The following PDE10A variants were observed in gnomAD, a reference collection of about 807,000 sequenced individuals.
The protein encoded by PDE10A is phosphodiesterase 10A.
Under a neutral mutation model 97.7 loss-of-function variants are expected in PDE10A, and 39 were observed. That is an observed-to-expected ratio of 0.40 (90% CI 0.31 to 0.52). The LOEUF is 0.52. Ranked by LOEUF, PDE10A falls within the 20% of genes least tolerant of loss-of-function variation. PDE10A has a pLI of 0.56. For synonymous variants in PDE10A, 371 were observed against 376.8 expected (o/e 0.98, Z 0.18); for missense variants, 731 against 1,047.8 (o/e 0.70, Z 4.17).
Position 165,905,227 on chromosome 6 carries a change from G to A in PDE10A, c.-615+82302C>T, listed in dbSNP as rs370149005. Among the ~76,000 whole-genome samples, 6 of 152,166 alleles carry A rather than the reference G, an allele frequency of 3.9e-5. No homozygotes were observed. The South Asian group carries it at 1.0e-3, about 26-fold the overall frequency. On this transcript the variant is annotated intron_variant, in intron 1 of 19. Transcript: ENST00000366882. ...ACCTTACTAATTTCAACCAATTCAGGAAATTTACTTCAAATATTGGAGAAA... is the reference window on the plus strand; with the variant it reads ...ACCTTACTAATTTCAACCAATTCAGAAAATTTACTTCAAATATTGGAGAAA...
chr6:165,704,310 G>T (rs1036201434), intron 1 of PDE10A, among the ~76,000 whole-genome samples: 2 of 152,124 alleles, frequency 1.3e-5, no homozygotes, highest in African/African-American at 2.4e-5. Flanking sequence ...AAACAAAGGA[G>T]GAGCACGTGG....
chr6:165,464,705 C>T (rs946726155), intron 3 of PDE10A, among the ~76,000 whole-genome samples: 4 of 152,126 alleles, frequency 2.6e-5, no homozygotes, highest in African/African-American at 7.2e-5. Flanking sequence ...CTTTTCCCAC[C>T]ATAGATTAGT....
At chr6:165,872,407 A>T (rs1439322250) in intron 1 of PDE10A, among the ~76,000 whole-genome samples, 1 of 152,082 alleles carries the variant, frequency 6.6e-6, no homozygotes, top group Non-Finnish European at 1.5e-5. Flanking sequence ...ACGCCCACTG[A>T]ACATGTTGGT....
At chr6:165,714,365 C>T (rs1238291613) in intron 1 of PDE10A, among the ~76,000 whole-genome samples, 2 of 152,206 alleles carry the variant, frequency 1.3e-5, no homozygotes, top group African/African-American at 2.4e-5. Flanking sequence ...ACCTCCAGGC[C>T]GCCAGTCCTG....
chr6:165,516,269 C>T (rs577670711), intron 2 of PDE10A, among the ~76,000 whole-genome samples: 1 of 152,250 alleles, frequency 6.6e-6, no homozygotes, highest in South Asian at 2.1e-4. Context: ...TTAATACTCC[C>T]ATGTTAAAAA....
At chr6:165,517,882 T>G (rs967585097) in intron 2 of PDE10A, among the ~76,000 whole-genome samples, 5 of 152,234 alleles carry the variant, frequency 3.3e-5, no homozygotes, top group Admixed American at 6.5e-5. Flanking sequence ...GTTGAGTTTT[T>G]AATATATACA....
intron 1 of PDE10A, among the ~76,000 whole-genome samples, chr6:165,609,017 C>T (rs1411797899): frequency 6.6e-6 from 1 of 152,120 alleles, no homozygotes. Context: ...AGCCCTTTGT[C>T]AGATGAGTAG....
At chr6:165,736,321 T>G (rs900894835) in intron 1 of PDE10A, among the ~76,000 whole-genome samples, 53 of 152,272 alleles carry the variant, frequency 3.5e-4, no homozygotes, top group African/African-American at 1.2e-3. Flanking sequence ...TCATAATTGC[T>G]AAGGAATCCA....
At chr6:165,349,968 C>T (rs1782589386) in intron 18 of PDE10A, among the ~76,000 whole-genome samples, 2 of 152,222 alleles carry the variant, frequency 1.3e-5, no homozygotes, top group African/African-American at 4.8e-5. Context: ...CAGAAGTTTG[C>T]TGCAGGGCCA....
At chr6:165,866,346 T>G (rs1781045142) in intron 1 of PDE10A, among the ~76,000 whole-genome samples, 1 of 151,736 alleles carries the variant, frequency 6.6e-6, no homozygotes, top group African/African-American at 2.4e-5. Flanking sequence ...TTGCCCTTAG[T>G]GCACGTGTTG....
chr6:165,913,266 C>T (rs1782511762), intron 1 of PDE10A, among the ~76,000 whole-genome samples: 1 of 125,968 alleles, frequency 7.9e-6, no homozygotes, highest in South Asian at 2.6e-4. Flanking sequence ...TAAGGACACT[C>T]AACTTGTACA....
At chr6:165,814,374 T>C (rs1779354870) in intron 1 of PDE10A, among the ~76,000 whole-genome samples, 1 of 152,176 alleles carries the variant, frequency 6.6e-6, no homozygotes. Context: ...CACAGGGCCA[T>C]TATGAACATC....
intron 1 of PDE10A, among the ~76,000 whole-genome samples, chr6:165,641,131 G>C (rs778809715): frequency 6.6e-6 from 1 of 152,184 alleles, no homozygotes; most frequent in Non-Finnish European, 1.5e-5. Flanking sequence ...GAGGAGGATG[G>C]CCAGGCTTTC....
intron 1 of PDE10A, among the ~76,000 whole-genome samples, chr6:165,792,447 G>C (rs1054635873): frequency 6.6e-6 from 1 of 152,126 alleles, no homozygotes; most frequent in African/African-American, 2.4e-5. Flanking sequence ...AGTCACCTCG[G>C]GTCTCACCGG....
intron 2 of PDE10A, among the ~76,000 whole-genome samples, chr6:165,499,943 A>C (rs1175249037): frequency 6.6e-6 from 1 of 152,200 alleles, no homozygotes; most frequent in African/African-American, 2.4e-5. Flanking sequence ...GGATTTCCTT[A>C]ACATGATAAA....
At chr6:165,870,664 T>G (rs185170984) in intron 1 of PDE10A, among the ~76,000 whole-genome samples, 2 of 152,292 alleles carry the variant, frequency 1.3e-5, no homozygotes, top group African/African-American at 4.8e-5. Flanking sequence ...CTGTGTTTCT[T>G]GCAGCACAAC....
chr6:165,423,620 C>T (rs1788886357), intron 10 of PDE10A, among the ~76,000 whole-genome samples: 1 of 152,206 alleles, frequency 6.6e-6, no homozygotes, highest in Non-Finnish European at 1.5e-5. Flanking sequence ...GTAATCCCAA[C>T]ACTTTGGGAG....
intron 10 of PDE10A, among the ~76,000 whole-genome samples, chr6:165,423,745 G>T (rs1274096564): frequency 2.0e-5 from 3 of 151,554 alleles, no homozygotes; most frequent in Admixed American, 2.0e-4. Context: ...CGTGCCTGTA[G>T]TCCCAGCTAC....
At chr6:165,739,972 G>A (rs908188575) in intron 1 of PDE10A, among the ~76,000 whole-genome samples, 1 of 152,176 alleles carries the variant, frequency 6.6e-6, no homozygotes, top group African/African-American at 2.4e-5. Flanking sequence ...GTATTGGCAA[G>A]GATGTGGGAA....
Sources: gnomAD v4.1 joint callset for allele counts (sites outside exome capture counted in the v4.1 genomes callset) on GRCh38, gnomAD v4.1.1 for gene constraint, MANE v1.5 for transcripts, NCBI Gene and HGNC (gene_info 2026-07-23, HGNC 2026-07-21) for gene names.